The following CNTLN variants were observed in gnomAD, a reference collection of about 807,000 sequenced individuals.
The protein encoded by CNTLN is centlein.
CNTLN carries 212 observed loss-of-function variants against 180.0 expected under a neutral mutation model. The ratio of observed to expected loss-of-function variants is 1.18; its 90% confidence interval spans 1.05 to 1.32. The LOEUF (loss-of-function observed/expected upper bound fraction) is 1.32, where lower values mean the gene tolerates loss of function less well. CNTLN is among the 40% of genes most tolerant of loss of function. The probability of loss-of-function intolerance (pLI) is 0.00; values close to 1 mark genes in which losing one functional copy is unlikely to be tolerated. For synonymous variants in CNTLN, 722 were observed against 563.1 expected (o/e 1.28, Z -3.99); for missense variants, 2,095 against 1,610.9 (o/e 1.30, Z -5.14).
intron 10 of CNTLN, among the ~76,000 whole-genome samples, chr9:17,336,522 C>T (rs1821048829): frequency 6.6e-6 from 1 of 152,148 alleles, no homozygotes; most frequent in South Asian, 2.1e-4. Context: ...TTGGATGAAA[C>T]TGCATTTTAA....
chr9:17,515,721 C>T, the CNTLN span, among the ~76,000 whole-genome samples: 1 of 152,168 alleles, frequency 6.6e-6, no homozygotes, highest in Admixed American at 6.5e-5. Flanking sequence ...CTCATCACTG[C>T]CTTCCCCATT....
At chr9:17,268,642 G>C (rs1274408065) in intron 5 of CNTLN, among the ~76,000 whole-genome samples, 1 of 152,276 alleles carries the variant, frequency 6.6e-6, no homozygotes, top group East Asian at 1.9e-4. Flanking sequence ...CCCAGAGGTG[G>C]AGCCTACAGA....
chr9:17,292,125 C>T (rs529712583), intron 6 of CNTLN, among the ~76,000 whole-genome samples: 2 of 152,286 alleles, frequency 1.3e-5, no homozygotes, highest in East Asian at 3.9e-4. Context: ...TGAATAATGG[C>T]CCCCAATCTC....
At chr9:17,480,063 T>C (rs1009875087) in intron 23 of CNTLN, among the ~76,000 whole-genome samples, 3 of 152,112 alleles carry the variant, frequency 2.0e-5, no homozygotes, top group African/African-American at 7.2e-5. Context: ...GGTGGGCTCA[T>C]GCTTGTAATC....
intron 1 of CNTLN, among the ~76,000 whole-genome samples, chr9:17,138,518 T>A (rs1817871673): frequency 6.6e-6 from 1 of 152,224 alleles, no homozygotes; most frequent in South Asian, 2.1e-4. Flanking sequence ...TTAGATGTGT[T>A]AAAACTTCAT....
rs1026569543 is a variant in CNTLN at position 17,457,518 on chromosome 9, AAAAAG to A, written c.3115-3_3116del. 74 of 1,417,584 alleles carry A rather than the reference AAAAAG, an allele frequency of 5.2e-5. No homozygotes were observed. Among genetic ancestry groups the A allele is most frequent in the Non-Finnish European group, 6.8e-5 (73 of 1,078,748 alleles). The allele number at this position is 1,417,584 out of a possible 1,614,324, so 87.8% of individuals were successfully genotyped here. ...TTTATATTTATTTTCTTTTTTTAAA[AAAAAG>A]AAGCTAAATTTGGATTTGGCTGGGC... On this transcript the variant is annotated splice_acceptor_variant and splice_polypyrimidine_tract_variant and intron_variant, in intron 18 of 25. Coordinates refer to ENST00000380647, the MANE Select transcript of CNTLN (RefSeq NM_017738.4). LOFTEE classifies it high-confidence loss of function.
chr9:17,284,078 A>G (rs1828827704), intron 6 of CNTLN, among the ~76,000 whole-genome samples: 3 of 152,034 alleles, frequency 2.0e-5, no homozygotes, highest in Non-Finnish European at 4.4e-5. Flanking sequence ...CTGGAGTACA[A>G]TGGCGTGACC....
At chr9:17,262,823 C>G (rs1409903516) in intron 5 of CNTLN, among the ~76,000 whole-genome samples, 1 of 151,248 alleles carries the variant, frequency 6.6e-6, no homozygotes, top group African/African-American at 2.5e-5. Context: ...CCAGTATGAT[C>G]AGTATGATGT....
At chr9:17,401,597 T>C (rs1487158329) in intron 15 of CNTLN, among the ~76,000 whole-genome samples, 1 of 151,800 alleles carries the variant, frequency 6.6e-6, no homozygotes, top group African/African-American at 2.4e-5. Context: ...GGTTTTGAAC[T>C]TCTGGTCTCA....
rs78134810 is a variant in CNTLN, at chr9:17,372,888, T to G, written c.1987+6171T>G. ...TGAAGGACAAAAACCATAGGATCAT[T>G]TTACTTAGTCCTGAAAAAGCATTCA... On this transcript the variant is annotated intron_variant, in intron 13 of 25. Coordinates refer to ENST00000380647, the MANE Select transcript of CNTLN (RefSeq NM_017738.4). Among the ~76,000 whole-genome samples, 660 of 152,270 alleles carry G rather than the reference T, an allele frequency of 4.3e-3. 4 individuals are homozygous for G. Among genetic ancestry groups the G allele is most frequent in the Non-Finnish European group, 4.9e-3 (332 of 67,970 alleles).
chr9:17,253,597 T>C (rs1376511410), intron 5 of CNTLN, among the ~76,000 whole-genome samples: 1 of 151,566 alleles, frequency 6.6e-6, no homozygotes, highest in Non-Finnish European at 1.5e-5. Context: ...AAATGCTACT[T>C]ATTTTGTACA....
At chr9:17,284,664 A>G (rs1208258186) in intron 6 of CNTLN, among the ~76,000 whole-genome samples, 1 of 151,890 alleles carries the variant, frequency 6.6e-6, no homozygotes, top group Admixed American at 6.6e-5. Context: ...TTATTAGTCT[A>G]GCTTGCAGTC....
At chr9:17,321,157 A>C (rs1819882013) in intron 8 of CNTLN, among the ~76,000 whole-genome samples, 1 of 152,204 alleles carries the variant, frequency 6.6e-6, no homozygotes, top group African/African-American at 2.4e-5. Flanking sequence ...TTACAGATAC[A>C]TATGACCCTT....
intron 2 of CNTLN, chr9:17,168,033 C>T (rs975803312): frequency 5.3e-5 from 8 of 152,064 alleles, no homozygotes; most frequent in Non-Finnish European, 1.0e-4. Flanking sequence ...AAAATTACCC[C>T]GTCACTTCTG....
At chr9:17,459,456 T>G (rs2134171024) in intron 19 of CNTLN, among the ~76,000 whole-genome samples, 1 of 151,996 alleles carries the variant, frequency 6.6e-6, no homozygotes. Context: ...ACAAAAAGGA[T>G]AAGTTTTTAC....
rs757404390 is a variant in CNTLN, at chr9:17,394,876, G to A, written c.2422G>A (p.Glu808Lys). Reference sequence around the variant, plus strand: ...CCAGTCAGCAGACAGAGCTAAATCCGAGATGGCCACCATGAAAGTGAGATC... The same window carrying A: ...CCAGTCAGCAGACAGAGCTAAATCCAAGATGGCCACCATGAAAGTGAGATC... ...SHQSADRAKS[E>K]MATMKVRSGR... The change falls in exon 15 of 26, where the codon GAG (glutamate) becomes AAG (lysine). Residue 808 changes from glutamate (E) to lysine (K), a missense_variant. By Grantham distance (56) the Glu-to-Lys change is moderately conservative. Transcript: ENST00000380647. 9 of 1,613,964 alleles carry A rather than the reference G, an allele frequency of 5.6e-6. No homozygotes were observed. Among genetic ancestry groups the A allele is most frequent in the African/African-American group, 1.3e-5 (1 of 75,006 alleles).
At chr9:17,205,373 T>C (rs1033202729) in intron 2 of CNTLN, among the ~76,000 whole-genome samples, 3 of 152,162 alleles carry the variant, frequency 2.0e-5, no homozygotes. Flanking sequence ...GCAAATTGCA[T>C]TGGGAACAGG....
intron 18 of CNTLN, among the ~76,000 whole-genome samples, chr9:17,440,256 C>T (rs916529980): frequency 6.6e-6 from 1 of 151,848 alleles, no homozygotes; most frequent in Non-Finnish European, 1.5e-5. Context: ...CTACCATTTC[C>T]ACTCCCAGGT....
downstream of CNTLN, among the ~76,000 whole-genome samples, chr9:17,506,223 T>C (rs1298002948): frequency 6.6e-6 from 1 of 152,076 alleles, no homozygotes; most frequent in Non-Finnish European, 1.5e-5. Context: ...GTGAAGAATT[T>C]CTAGCCATGA....
Sources: gnomAD v4.1 joint callset for allele counts (sites outside exome capture counted in the v4.1 genomes callset) on GRCh38, gnomAD v4.1.1 for gene constraint, MANE v1.5 for transcripts, NCBI Gene and HGNC (gene_info 2026-07-23, HGNC 2026-07-21) for gene names.